The following IMMP2L variants were observed in gnomAD, a reference collection of about 807,000 sequenced individuals.
IMMP2L encodes inner mitochondrial membrane peptidase subunit 2.
Under a neutral mutation model 19.3 loss-of-function variants are expected in IMMP2L, and 18 were observed. That is an observed-to-expected ratio of 0.93 (90% CI 0.64 to 1.38). IMMP2L has a LOEUF of 1.38. IMMP2L is among the 40% of genes most tolerant of loss of function. The pLI, the probability that IMMP2L is intolerant of heterozygous loss-of-function variation, is 0.00. For missense variants in IMMP2L, 233 were observed against 218.2 expected (o/e 1.07, Z -0.43); for synonymous variants, 76 against 73.0 (o/e 1.04, Z -0.21).
chr7:110,916,233 A>G (rs1258696494), intron 4 of IMMP2L, among the ~76,000 whole-genome samples: 1 of 152,226 alleles, frequency 6.6e-6, no homozygotes, highest in East Asian at 1.9e-4. Flanking sequence ...AGCTTTTGAC[A>G]ACATAAAGTG....
intron 5 of IMMP2L, among the ~76,000 whole-genome samples, chr7:110,719,732 C>T (rs1440708857): frequency 2.0e-5 from 3 of 152,118 alleles, no homozygotes; most frequent in East Asian, 1.9e-4. Context: ...CTGTGATCTT[C>T]GCAGAAAATA....
At chr7:111,534,811 T>C (rs1847732842) in intron 1 of IMMP2L, among the ~76,000 whole-genome samples, 1 of 152,140 alleles carries the variant, frequency 6.6e-6, no homozygotes, top group South Asian at 2.1e-4. Context: ...GCTTCAAGAC[T>C]TTCCACTGTT....
At chr7:111,126,157 T>C (rs1801289004) in intron 3 of IMMP2L, among the ~76,000 whole-genome samples, 1 of 152,132 alleles carries the variant, frequency 6.6e-6, no homozygotes, top group African/African-American at 2.4e-5. Context: ...ATTGCCAAAT[T>C]TCATTATGAC....
intron 4 of IMMP2L, among the ~76,000 whole-genome samples, chr7:110,887,714 A>C (rs1810364527): frequency 6.6e-6 from 1 of 151,936 alleles, no homozygotes; most frequent in Admixed American, 6.6e-5. Context: ...ATCCCACAAT[A>C]AGAAGTTATT....
At chr7:111,042,463 G>A (rs1211568600) in intron 3 of IMMP2L, among the ~76,000 whole-genome samples, 1 of 152,330 alleles carries the variant, frequency 6.6e-6, no homozygotes, top group East Asian at 1.9e-4. Context: ...TTACAGGCGT[G>A]AGCCACCAAT....
At chr7:110,925,887 A>G (rs534827316) in intron 4 of IMMP2L, among the ~76,000 whole-genome samples, 5 of 152,076 alleles carry the variant, frequency 3.3e-5, no homozygotes, top group Non-Finnish European at 7.4e-5. Context: ...CCTCTTAGTA[A>G]AACATGGTTA....
At chr7:111,021,515 A>G (rs558611217) in intron 3 of IMMP2L, among the ~76,000 whole-genome samples, 1 of 152,314 alleles carries the variant, frequency 6.6e-6, no homozygotes, top group South Asian at 2.1e-4. Context: ...ATGGCAGAAG[A>G]TGAAGGAGTA....
chr7:110,955,325 T>G (rs1818256654), intron 4 of IMMP2L, among the ~76,000 whole-genome samples: 1 of 151,986 alleles, frequency 6.6e-6, no homozygotes, highest in African/African-American at 2.4e-5. Flanking sequence ...GGAAAAATTA[T>G]AATTCTTTAA....
chr7:110,781,466 A>G (rs557282708), intron 5 of IMMP2L, among the ~76,000 whole-genome samples: 1 of 152,052 alleles, frequency 6.6e-6, no homozygotes, highest in African/African-American at 2.4e-5. Flanking sequence ...GGCAAAAAAT[A>G]AACTACCAAA....
At chr7:110,888,085 A>G (rs1810414531) in intron 4 of IMMP2L, among the ~76,000 whole-genome samples, 1 of 152,190 alleles carries the variant, frequency 6.6e-6, no homozygotes, top group South Asian at 2.1e-4. Context: ...TAAATCATTC[A>G]TGCAACGAAG....
At chr7:110,791,810 C>T (rs2131151761) in intron 5 of IMMP2L, among the ~76,000 whole-genome samples, 1 of 151,884 alleles carries the variant, frequency 6.6e-6, no homozygotes, top group South Asian at 2.1e-4. Flanking sequence ...CAGACAGGAG[C>T]CAGAAGGATG....
At chr7:110,765,449 T>C (rs748197901) in intron 5 of IMMP2L, among the ~76,000 whole-genome samples, 18 of 152,212 alleles carry the variant, frequency 1.2e-4, no homozygotes, top group East Asian at 7.7e-4. Context: ...AAATATCATA[T>C]TGGGGGGACA....
At position 111,066,497 on chromosome 7, in the gene IMMP2L, G is replaced by A. The variant is rs1197330116; in HGVS notation, c.240-102932C>T. Among the ~76,000 whole-genome samples the A allele has an allele frequency of 1.3e-5, 2 of 152,212 alleles. 1 individual carries two copies. The highest frequency in any genetic ancestry group is 1.3e-4 in the Admixed American group (2 of 15,278). On this transcript the variant is annotated intron_variant, in intron 3 of 5. Transcript: ENST00000405709. The stretch of plus-strand genomic sequence containing the variant: ...GAGATGGATGAAAGAAATTGCTTCA[G>A]AAGATAACGTTTAAAATAGACGGGA...
chr7:111,074,656 T>C (rs755481212), intron 3 of IMMP2L, among the ~76,000 whole-genome samples: 1 of 152,216 alleles, frequency 6.6e-6, no homozygotes, highest in Non-Finnish European at 1.5e-5. Context: ...AATTCTAATG[T>C]TCTTCCTAAT....
chr7:111,251,424 A>G (rs541554313), intron 3 of IMMP2L, among the ~76,000 whole-genome samples: 1 of 152,262 alleles, frequency 6.6e-6, no homozygotes, highest in East Asian at 1.9e-4. Context: ...AGGATTATAA[A>G]TCATTCTATT....
At chr7:110,849,878 T>G (rs1391068547) in intron 5 of IMMP2L, among the ~76,000 whole-genome samples, 1 of 152,052 alleles carries the variant, frequency 6.6e-6, no homozygotes, top group Non-Finnish European at 1.5e-5. Flanking sequence ...ATTTATAAAT[T>G]TAAAAAATAC....
At chr7:111,557,463 A>G (rs1196619787) in intron 1 of IMMP2L, among the ~76,000 whole-genome samples, 2 of 152,142 alleles carry the variant, frequency 1.3e-5, no homozygotes, top group East Asian at 1.9e-4. Flanking sequence ...AGTATACACT[A>G]TGTTCTCGTA....
intron 3 of IMMP2L, among the ~76,000 whole-genome samples, chr7:111,003,378 A>G (rs919983236): frequency 6.6e-6 from 1 of 152,212 alleles, no homozygotes; most frequent in Non-Finnish European, 1.5e-5. Flanking sequence ...TAATCAAAAT[A>G]TCATCAAAAT....
intron 3 of IMMP2L, among the ~76,000 whole-genome samples, chr7:111,423,327 T>C (rs1261064874): frequency 6.6e-6 from 1 of 151,852 alleles, no homozygotes; most frequent in Non-Finnish European, 1.5e-5. Flanking sequence ...AGAATTCGGC[T>C]GTGAATCCAT....
Sources: gnomAD v4.1 joint callset for allele counts (sites outside exome capture counted in the v4.1 genomes callset) on GRCh38, gnomAD v4.1.1 for gene constraint, MANE v1.5 for transcripts, NCBI Gene and HGNC (gene_info 2026-07-23, HGNC 2026-07-21) for gene names.